APOBEC3B: variants seen among roughly 807,000 people sequenced by gnomAD.
APOBEC3B encodes the protein apolipoprotein B mRNA editing enzyme catalytic subunit 3B.
APOBEC3B carries 29 observed loss-of-function variants against 53.4 expected under a neutral mutation model. The ratio of observed to expected loss-of-function variants is 0.54; its 90% confidence interval spans 0.40 to 0.74. The LOEUF (loss-of-function observed/expected upper bound fraction) is 0.74, where lower values mean the gene tolerates loss of function less well. Among genes scored for constraint, APOBEC3B ranks in the 30% least tolerant of loss-of-function variants. The pLI, the probability that APOBEC3B is intolerant of heterozygous loss-of-function variation, is 0.00. For synonymous variants in APOBEC3B, 132 were observed against 184.8 expected (o/e 0.71, Z 2.32); for missense variants, 347 against 496.2 (o/e 0.70, Z 2.86).
chr22:38,984,200 T>A lies in APOBEC3B; in HGVS notation c.143T>A (p.Leu48His), dbSNP rs1268414405. The change falls in exon 2 of 8, where the codon CTC (leucine) becomes CAC (histidine). Residue 48 changes from leucine (L) to histidine (H), a missense_variant. Transcript: ENST00000333467. ...AAAATAAAGAGGGGCCGCTCAAATCTCCTTTGGGACACAGGGGTCTTTCGA... is the reference window on the plus strand; with the variant it reads ...AAAATAAAGAGGGGCCGCTCAAATCACCTTTGGGACACAGGGGTCTTTCGA... ...EVKIKRGRSN[L>H]LWDTGVFRGQ... 1.1e-5 allele frequency: 18 copies of A among 1,592,506 alleles called. 1 individual carries two copies. Among genetic ancestry groups the A allele is most frequent in the Non-Finnish European group, 1.5e-5 (18 of 1,172,436 alleles).
At chr22:38,984,327 G>C in intron 2 of APOBEC3B, 96 bp downstream of exon 2, 1 of 1,407,316 alleles carries the variant, frequency 7.1e-7, no homozygotes, top group Non-Finnish European at 9.5e-7. Context: ...TTATTTAGGT[G>C]CACTGGTTCA....
At chr22:38,988,691 T>TCTCTCTC (rs1447601363) in intron 4 of APOBEC3B, among the ~76,000 whole-genome samples, 9 of 87,944 alleles carry the variant, frequency 1.0e-4, no homozygotes, top group Admixed American at 3.8e-4. Context: ...TTCTCTTTCT[T>TCTCTCTC]TCTTTCTTTC....
In APOBEC3B at chr22:38,986,107, G is replaced by A. The variant is rs1199295543; in HGVS notation, c.454+16G>A. On this transcript the variant is annotated intron_variant, in intron 3 of 7. Transcript: ENST00000333467. ...GACTATGAAGGTGAGAGGTGGAGGGGTCAGGGGAGCGTGAGCGGGAGGAAC... is the reference window on the plus strand; with the variant it reads ...GACTATGAAGGTGAGAGGTGGAGGGATCAGGGGAGCGTGAGCGGGAGGAAC... 2 of 1,589,752 alleles carry A rather than the reference G, an allele frequency of 1.3e-6. No homozygotes were observed. Among genetic ancestry groups the A allele is most frequent in the South Asian group, 2.3e-5 (2 of 88,526 alleles).
intron 2 of APOBEC3B, among the ~76,000 whole-genome samples, chr22:38,984,803 T>C (rs1391772542): frequency 6.8e-6 from 1 of 147,626 alleles, no homozygotes; most frequent in Non-Finnish European, 1.5e-5. Flanking sequence ...CCTAAGCAGC[T>C]GGAAATGCAG....
At position 38,986,095 on chromosome 22, in the gene APOBEC3B, A is replaced by G. The variant is rs767245102; in HGVS notation, c.454+4A>G. 1 of 1,591,718 alleles carries G rather than the reference A, an allele frequency of 6.3e-7. No homozygotes were observed. The highest frequency in any genetic ancestry group is 1.1e-5 in the South Asian group (1 of 88,646). ...GTGACGATCATGGACTATGAAGGTG[A>G]GAGGTGGAGGGGTCAGGGGAGCGTG... On this transcript the variant is annotated splice_donor_region_variant and intron_variant, in intron 3 of 7. Transcript: ENST00000333467.
In APOBEC3B at chr22:38,984,895, CTTTTTTTT is replaced by C. The variant is rs11308471; in HGVS notation, c.174+679_174+686del. Among the ~76,000 whole-genome samples the C allele has an allele frequency of 3.4e-4, 29 of 84,816 alleles. 3 individuals carry two copies. The highest frequency in any genetic ancestry group is 6.9e-3 in the Middle Eastern group (1 of 144). The allele number at this position is 84,816 out of a possible 152,430, so 55.6% of individuals were successfully genotyped here. On this transcript the variant is annotated intron_variant, in intron 2 of 7. Transcript: ENST00000333467. ...CACATTTCTTTTTTCTCTTTTTTTC[CTTTTTTTT>C]TTTTTTTTTTTTTTCCGAGATGGAG...
chr22:38,982,746 T>G (rs1233122771), intron 1 of APOBEC3B, among the ~76,000 whole-genome samples: 1 of 148,882 alleles, frequency 6.7e-6, no homozygotes, highest in Non-Finnish European at 1.5e-5. Flanking sequence ...CTCCCCGCCC[T>G]GGGAGGGTGC....
At chr22:38,989,340 C>T (rs1923894890) in intron 4 of APOBEC3B, 117 bp from the exon 5 acceptor site, 3 of 1,007,012 alleles carry the variant, frequency 3.0e-6, no homozygotes, top group Non-Finnish European at 4.2e-6. Flanking sequence ...AGCGCCTCCT[C>T]TGACAGGTGC....
rs191905604 is a variant in APOBEC3B at position 38,992,582 on chromosome 22, C to T, written c.*137C>T. Reference sequence around the variant, plus strand: ...CAGACACCAGCAAAGCAATGTGCTCCTGATCAAGTAGATTTTTTAAAAATC... The same window carrying T: ...CAGACACCAGCAAAGCAATGTGCTCTTGATCAAGTAGATTTTTTAAAAATC... On this transcript the variant is annotated 3_prime_UTR_variant, in exon 8 of 8. Transcript: ENST00000333467. The T allele has an allele frequency of 1.6e-4, 257 of 1,572,728 alleles. 2 individuals carry two copies. The African/African-American group carries it at 3.2e-3, about 20-fold the overall frequency.
chr22:38,986,149 G>A, intron 3 of APOBEC3B, 58 bp downstream of exon 3: 1 of 1,574,862 alleles, frequency 6.3e-7, no homozygotes, highest in Admixed American at 1.8e-5. Flanking sequence ...AAAGATGGAT[G>A]GATCTGCAAT....
Position 38,992,636 on chromosome 22 carries a change from C to A in APOBEC3B, c.*191C>A, listed in dbSNP as rs181473595. The A allele has an allele frequency of 3.5e-5, 51 of 1,448,320 alleles. No individual in the cohort carries two copies. In the East Asian group the frequency reaches 1.1e-3, roughly 31 times the overall value. The allele number at this position is 1,448,320 out of a possible 1,614,324, so 89.7% of individuals were successfully genotyped here. A position where few individuals can be genotyped will look rare whatever the true frequency, so the allele number is the denominator to read the frequency against. On this transcript the variant is annotated 3_prime_UTR_variant, in exon 8 of 8. Transcript: ENST00000333467. ...GTCAATTAATTTTAATTGAAAATTT[C>A]TCTTATGTTCCAAGTGTACAAGAGT...
chr22:38,986,850 T>A (rs906895097), intron 4 of APOBEC3B, among the ~76,000 whole-genome samples: 8 of 148,186 alleles, frequency 5.4e-5, no homozygotes, highest in African/African-American at 1.7e-4. Context: ...CTCCCTCCAA[T>A]GGTGGCCTCT....
chr22:38,988,748 C>CCTTCTTTCTTTCTTTCTTTCTTT lies in APOBEC3B; in HGVS notation c.570-706_570-705insCTTTCTTTCTTTCTTTCTTTCTT, dbSNP rs1923870869. Among the ~76,000 whole-genome samples, 5 of 65,954 alleles carry CCTTCTTTCTTTCTTTCTTTCTTT rather than the reference C, an allele frequency of 7.6e-5. 1 individual carries two copies. In the South Asian group the frequency reaches 1.8e-3, roughly 24 times the overall value. The allele number at this position is 65,954 out of a possible 152,430, so 43.3% of individuals were successfully genotyped here. On this transcript the variant is annotated intron_variant, in intron 4 of 7. Coordinates refer to ENST00000333467, the MANE Select transcript of APOBEC3B (RefSeq NM_004900.5). Reference sequence around the variant, plus strand: ...TTCTTTCTTTCTTTCTTTCTTTCTTCCTTTCTTCTCTCTCGTCTTTCTTCT... The same window carrying CCTTCTTTCTTTCTTTCTTTCTTT: ...TTCTTTCTTTCTTTCTTTCTTTCTTCCTTCTTTCTTTCTTTCTTTCTTTCTTTCTTCTCTCTCGTCTTTCTTCT...
At position 38,983,751 on chromosome 22, in the gene APOBEC3B, G is replaced by A. The variant is rs2070474832; in HGVS notation, c.18-324G>A. Among the ~76,000 whole-genome samples the A allele has an allele frequency of 2.0e-5, 3 of 149,216 alleles. 1 individual carries two copies. The South Asian group carries it at 6.6e-4, about 33-fold the overall frequency. On this transcript the variant is annotated intron_variant, in intron 1 of 7. Coordinates refer to ENST00000333467, the MANE Select transcript of APOBEC3B (RefSeq NM_004900.5). ...TGAAAGGTTAAAAGCTATTTTTTAGGGGTGAAGGGTTTTATTCTCTTTTGC... is the reference window on the plus strand; with the variant it reads ...TGAAAGGTTAAAAGCTATTTTTTAGAGGTGAAGGGTTTTATTCTCTTTTGC...
rs752461673 is a variant in APOBEC3B, at chr22:38,983,535, T to G, written c.18-540T>G. ...TCCCCAGCTCTGTGGCCTCGGCAGGTTACCCCGCCTCTCTGTGCCTCTGGC... is the reference window on the plus strand; with the variant it reads ...TCCCCAGCTCTGTGGCCTCGGCAGGGTACCCCGCCTCTCTGTGCCTCTGGC... On this transcript the variant is annotated intron_variant, in intron 1 of 7. Coordinates refer to ENST00000333467, the MANE Select transcript of APOBEC3B (RefSeq NM_004900.5). Among the ~76,000 whole-genome samples, 341 of 148,270 alleles carry G rather than the reference T, an allele frequency of 2.3e-3. 24 individuals carry two copies. The highest frequency in any genetic ancestry group is 6.9e-3 in the Middle Eastern group (2 of 290).
In APOBEC3B at chr22:38,989,532, C is replaced by T; in HGVS notation, c.645C>T (p.Tyr215=). The T allele has an allele frequency of 1.3e-6, 2 of 1,590,022 alleles. No individual in the cohort carries two copies. The highest frequency in any genetic ancestry group is 1.7e-6 in the Non-Finnish European group (2 of 1,170,052). The part of the protein sequence containing the change: ...DPLVLRRRQT[Y]LCYEVERLDN... The stretch of plus-strand genomic sequence containing the variant: ...TGGTCCTTCGACGGCGCCAGACCTA[C>T]TTGTGCTATGAGGTGGAGCGCCTGG... Residue 215 remains tyrosine (Y), a synonymous_variant, in exon 5 of 8, where the codon TAC becomes TAT. Transcript: ENST00000333467.
At chr22:38,984,902 T>C (rs1405216800) in intron 2 of APOBEC3B, among the ~76,000 whole-genome samples, 2 of 134,360 alleles carry the variant, frequency 1.5e-5, no homozygotes, top group African/African-American at 5.6e-5. Flanking sequence ...TTCCTTTTTT[T>C]TTTTTTTTTT....
intron 2 of APOBEC3B, 64 bp downstream of exon 2, chr22:38,984,295 G>C: frequency 2.6e-6 from 4 of 1,528,730 alleles, no homozygotes; most frequent in Non-Finnish European, 3.5e-6. Context: ...TGGAGAGACT[G>C]ATATGGGTGA....
intron 4 of APOBEC3B, among the ~76,000 whole-genome samples, chr22:38,988,557 CAAGT>C (rs1923827771): frequency 6.8e-6 from 1 of 147,998 alleles, no homozygotes. Context: ...GAACACAAAG[CAAGT>C]GAGTGGTAGA....
Sources: allele counts gnomAD v4.1 joint callset (sites outside exome capture counted in the v4.1 genomes callset), GRCh38; gene constraint gnomAD v4.1.1; transcripts MANE v1.5; gene names NCBI Gene and HGNC (gene_info 2026-07-23, HGNC 2026-07-21).